Variants in RHPN2 observed in about 807,000 individuals in gnomAD.
The protein encoded by RHPN2 is rhophilin Rho GTPase binding protein 2.
RHPN2 carries 40 observed loss-of-function variants against 79.0 expected under a neutral mutation model. That is an observed-to-expected ratio of 0.51 (90% confidence interval 0.39 to 0.66). The LOEUF (loss-of-function observed/expected upper bound fraction) is 0.66. Among genes scored for constraint, RHPN2 ranks in the 30% least tolerant of loss-of-function variants. The probability of loss-of-function intolerance (pLI) is 0.00; values close to 1 mark genes in which losing one functional copy is unlikely to be tolerated. For missense variants in RHPN2, 686 were observed against 883.5 expected (o/e 0.78, Z 2.83); for synonymous variants, 285 against 363.5 (o/e 0.78, Z 2.46).
At chr19:33,022,278 T>C (rs1302594179) in intron 3 of RHPN2, among the ~76,000 whole-genome samples, 1 of 152,220 alleles carries the variant, frequency 6.6e-6, no homozygotes, top group Non-Finnish European at 1.5e-5. Flanking sequence ...GCAGCTGTGC[T>C]GAGAGTCTAT....
intron 10 of RHPN2, among the ~76,000 whole-genome samples, chr19:32,998,102 A>T (rs1336788085): frequency 6.6e-6 from 1 of 152,208 alleles, no homozygotes; most frequent in Admixed American, 6.5e-5. Context: ...AAGGGGCAGC[A>T]GGAAAACCCG....
At chr19:33,008,912 A>G (rs1250129669) in intron 6 of RHPN2, among the ~76,000 whole-genome samples, 1 of 152,202 alleles carries the variant, frequency 6.6e-6, no homozygotes, top group East Asian at 1.9e-4. Context: ...TGGGACATCC[A>G]GACAATGGAA....
chr19:33,031,594 G>T (rs1477212464), intron 2 of RHPN2, among the ~76,000 whole-genome samples: 1 of 151,880 alleles, frequency 6.6e-6, no homozygotes, highest in African/African-American at 2.4e-5. Flanking sequence ...CCCGAGGCTG[G>T]TCTCCAACTC....
intron 7 of RHPN2, among the ~76,000 whole-genome samples, chr19:33,007,780 G>T (rs1971803768): frequency 6.7e-6 from 1 of 150,198 alleles, no homozygotes; most frequent in African/African-American, 2.5e-5. Context: ...ATGCAGTCTG[G>T]CCTCGATCTC....
At chr19:33,049,447 C>G (rs1241279168) in intron 1 of RHPN2, among the ~76,000 whole-genome samples, 1 of 152,144 alleles carries the variant, frequency 6.6e-6, no homozygotes, top group African/African-American at 2.4e-5. Flanking sequence ...AACACAAAGC[C>G]GCTCTGAGAC....
intron 1 of RHPN2, among the ~76,000 whole-genome samples, chr19:33,054,931 C>T (rs1229534103): frequency 6.6e-6 from 1 of 152,216 alleles, no homozygotes; most frequent in South Asian, 2.1e-4. Flanking sequence ...CAGGGGATAC[C>T]TCCCAGCCAG....
intron 2 of RHPN2, among the ~76,000 whole-genome samples, chr19:33,028,959 T>C (rs1293563836): frequency 6.6e-5 from 10 of 151,844 alleles, no homozygotes; most frequent in Non-Finnish European, 1.3e-4. Flanking sequence ...GTCAACACGG[T>C]GAAACCCCAT....
chr19:32,984,245 T>C (rs750759410), intron 14 of RHPN2, among the ~76,000 whole-genome samples: 1 of 152,188 alleles, frequency 6.6e-6, no homozygotes, highest in Non-Finnish European at 1.5e-5. Flanking sequence ...AGGCTAAATG[T>C]TCTCTTTATT....
chr19:33,037,796 C>A (rs921372801), intron 2 of RHPN2, among the ~76,000 whole-genome samples: 2 of 152,150 alleles, frequency 1.3e-5, no homozygotes, highest in African/African-American at 4.8e-5. Context: ...TGTAACACCG[C>A]GAGGGTCCGT....
intron 1 of RHPN2, among the ~76,000 whole-genome samples, chr19:33,062,303 A>T (rs1280162357): frequency 1.3e-5 from 2 of 152,000 alleles, no homozygotes; most frequent in African/African-American, 4.8e-5. Flanking sequence ...TCTACTAAAA[A>T]TACAAAAGTT....
intron 2 of RHPN2, among the ~76,000 whole-genome samples, chr19:33,035,437 A>G (rs903790981): frequency 2.0e-5 from 3 of 152,186 alleles, no homozygotes; most frequent in Admixed American, 2.0e-4. Context: ...CAACAAATCA[A>G]TGAGCTGCCC....
intron 14 of RHPN2, among the ~76,000 whole-genome samples, chr19:32,982,025 CAT>C (rs1399976924): frequency 6.6e-6 from 1 of 152,118 alleles, no homozygotes; most frequent in Non-Finnish European, 1.5e-5. Context: ...TAGTTCGCCA[CAT>C]GTTTATTGAT....
At chr19:33,056,864 C>G (rs1387960838) in intron 1 of RHPN2, among the ~76,000 whole-genome samples, 1 of 150,912 alleles carries the variant, frequency 6.6e-6, no homozygotes, top group Admixed American at 6.7e-5. Flanking sequence ...AATCCCAGCA[C>G]TTTGGGAAGC....
chr19:32,988,485 G>T (rs1450278942), intron 14 of RHPN2, among the ~76,000 whole-genome samples: 1 of 152,074 alleles, frequency 6.6e-6, no homozygotes, highest in Non-Finnish European at 1.5e-5. Flanking sequence ...GCCAGTCTCC[G>T]GCAGCAGACG....
In RHPN2 at chr19:33,005,412, C is replaced by CAAAAA. The variant is rs766044835; in HGVS notation, c.761-2417_761-2413dup. The stretch of plus-strand genomic sequence containing the variant: ...TGGGCGACAGAGTGAGATTCTGTCT[C>CAAAAA]AAAAAAAAAAAAAAAAAAAAAAAAA... On this transcript the variant is annotated intron_variant, in intron 7 of 14. Transcript: ENST00000254260. 1.1e-4 allele frequency among the ~76,000 whole-genome samples: 7 copies of CAAAAA among 62,710 alleles called. 1 individual carries two copies. Among genetic ancestry groups the CAAAAA allele is most frequent in the Non-Finnish European group, 1.4e-4 (5 of 35,598 alleles). The allele number at this position is 62,710 out of a possible 152,430, so 41.1% of individuals were successfully genotyped here. A position where few individuals can be genotyped will look rare whatever the true frequency, so the allele number is the denominator to read the frequency against.
chr19:32,984,869 A>T (rs1236928610), intron 14 of RHPN2, among the ~76,000 whole-genome samples: 7 of 152,218 alleles, frequency 4.6e-5, no homozygotes, highest in Non-Finnish European at 1.0e-4. Flanking sequence ...ACACTTTGGG[A>T]GGCGGAGGCA....
At chr19:33,034,006 C>G (rs906138828) in intron 2 of RHPN2, among the ~76,000 whole-genome samples, 3 of 145,588 alleles carry the variant, frequency 2.1e-5, no homozygotes, top group Non-Finnish European at 2.9e-5. Flanking sequence ...ATGTCTCCCC[C>G]CTCCCATCTT....
intron 2 of RHPN2, among the ~76,000 whole-genome samples, chr19:33,038,900 T>C (rs1972079029): frequency 6.6e-6 from 1 of 152,080 alleles, no homozygotes; most frequent in Non-Finnish European, 1.5e-5. Flanking sequence ...TCAAATGATT[T>C]GCCCGCTTCA....
chr19:33,038,961 A>G (rs1448308598), intron 2 of RHPN2, among the ~76,000 whole-genome samples: 1 of 152,092 alleles, frequency 6.6e-6, no homozygotes, highest in African/African-American at 2.4e-5. Context: ...CCTGGTCTAA[A>G]AAGTTTTTTT....
Sources: allele counts gnomAD v4.1 joint callset (sites outside exome capture counted in the v4.1 genomes callset), GRCh38; gene constraint gnomAD v4.1.1; transcripts MANE v1.5; gene names NCBI Gene and HGNC (gene_info 2026-07-23, HGNC 2026-07-21).